TIMM17A: variants seen among roughly 807,000 people sequenced by gnomAD.
TIMM17A encodes the protein mitochondrial import inner membrane translocase subunit Tim17-A.
In TIMM17A, 15 loss-of-function variants were observed where a neutral mutation model predicts 26.5. The observed-to-expected ratio is 0.57, with a 90% CI of 0.38 to 0.87. The LOEUF (loss-of-function observed/expected upper bound fraction) is 0.87, where lower values mean the gene tolerates loss of function less well. Among genes scored for constraint, TIMM17A ranks in the 40% least tolerant of loss-of-function variants. TIMM17A has a pLI of 0.00. For synonymous variants in TIMM17A, 80 were observed against 70.8 expected, an observed-to-expected ratio of 1.13 and a Z score of -0.66; for missense variants, 201 against 210.0, an observed-to-expected ratio of 0.96 and a Z score of 0.27.
In TIMM17A at chr1:201,960,399, CA is replaced by C. The variant is rs113195075; in HGVS notation, c.190+2837del. On this transcript the variant is annotated intron_variant, in intron 3 of 5. Coordinates refer to ENST00000367287, the MANE Select transcript of TIMM17A (RefSeq NM_006335.3). ...TGGGCAACAGAGCAAGACTCTGTCT[CA>C]AAAAAAAAAAATAGTAATGTGTCAA... is the stretch of plus-strand genomic sequence containing the variant. Among the ~76,000 whole-genome samples the C allele has an allele frequency of 2.9e-3, 406 of 138,358 alleles. 1 individual carries two copies. The highest frequency in any genetic ancestry group is 8.2e-3 in the African/African-American group (311 of 37,920). 90.8% of individuals were successfully genotyped at this position (138,358 alleles called of 152,430 possible). A position where few individuals can be genotyped will look rare whatever the true frequency, so the allele number is the denominator to read the frequency against.
chr1:201,957,447 C>G, intron 2 of TIMM17A, 64 bp from the exon 3 acceptor site: 2 of 1,571,602 alleles, frequency 1.3e-6, no homozygotes, highest in South Asian at 2.2e-5. Flanking sequence ...TACTGGTGGT[C>G]CCATCAGTGG....
chr1:201,959,304 C>T (rs906103401), intron 3 of TIMM17A, among the ~76,000 whole-genome samples: 4 of 151,352 alleles, frequency 2.6e-5, no homozygotes, highest in African/African-American at 7.3e-5. Flanking sequence ...TGCAGTGAGC[C>T]GAGATTGCAC....
At chr1:201,956,683 C>T (rs1246628436) in intron 1 of TIMM17A, among the ~76,000 whole-genome samples, 9 of 152,054 alleles carry the variant, frequency 5.9e-5, no homozygotes, top group East Asian at 1.9e-4. Context: ...AAAATAAGGC[C>T]GGGTGTGGTG....
chr1:201,965,521 TGC>T lies in TIMM17A; in HGVS notation c.409_410del (p.Ala137LeufsTer40). On this transcript the variant is annotated frameshift_variant, in exon 5 of 6. Coordinates refer to ENST00000367287, the MANE Select transcript of TIMM17A (RefSeq NM_006335.3). LOFTEE classifies it high-confidence loss of function. ...GAGCTGGTATCTTGTTGACAAGATT[TGC>T]CTCTGCACAGTTTCCCAATGGTGAG... ...EGAGILLTRF[A>X]SAQFPNGPQF... is the part of the protein sequence containing the mutation. The T allele has an allele frequency of 6.2e-7, 1 of 1,613,052 alleles. No individual in the cohort carries two copies. Among genetic ancestry groups the T allele is most frequent in the South Asian group, 1.1e-5 (1 of 91,064 alleles).
chr1:201,960,004 A>AAATC (rs1682494643), intron 3 of TIMM17A, among the ~76,000 whole-genome samples: 1 of 151,532 alleles, frequency 6.6e-6, no homozygotes, highest in African/African-American at 2.4e-5. Context: ...GTCTCAAAAT[A>AAATC]AATAAATAAA....
chr1:201,955,883 C>A (rs1036984903), intron 1 of TIMM17A, among the ~76,000 whole-genome samples: 1 of 152,214 alleles, frequency 6.6e-6, no homozygotes, highest in Non-Finnish European at 1.5e-5. Context: ...GTTATAATCC[C>A]CCCTGTTCGT....
At chr1:201,963,449 G>C (rs1225270320) in intron 3 of TIMM17A, 167 bp from the exon 4 acceptor site, 5 of 664,738 alleles carry the variant, frequency 7.5e-6, no homozygotes, top group Middle Eastern at 4.3e-4. Flanking sequence ...TTATTCGAAA[G>C]ATAAGTATTC....
intron 1 of TIMM17A, 70 bp downstream of exon 1, chr1:201,955,622 G>T: frequency 1.2e-6 from 2 of 1,604,312 alleles, no homozygotes; most frequent in Non-Finnish European, 1.7e-6. Flanking sequence ...CCTTGTCCAG[G>T]CTCCCAAGGT....
At chr1:201,967,517 T>TTTTATTTATTTATTTTATTTA (rs1553301608) in intron 5 of TIMM17A, among the ~76,000 whole-genome samples, 2 of 142,836 alleles carry the variant, frequency 1.4e-5, no homozygotes, top group African/African-American at 2.6e-5. Flanking sequence ...GGAATCTCCT[T>TTTTATTTATTTATTTTATTTA]TTTATTTATT....
chr1:201,957,599 G>C (rs745733136), intron 3 of TIMM17A, 25 bp downstream of exon 3: 3 of 1,582,346 alleles, frequency 1.9e-6, no homozygotes, highest in African/African-American at 2.7e-5. Flanking sequence ...CATTTTAACT[G>C]AACTATTTTT....
chr1:201,959,893 T>C (rs1571603925), intron 3 of TIMM17A, among the ~76,000 whole-genome samples: 1 of 150,878 alleles, frequency 6.6e-6, no homozygotes, highest in African/African-American at 2.4e-5. Flanking sequence ...CCCGGCTCCT[T>C]GGGAGGCTGA....
intron 3 of TIMM17A, among the ~76,000 whole-genome samples, chr1:201,960,693 A>T (rs1682507465): frequency 6.6e-6 from 1 of 152,170 alleles, no homozygotes; most frequent in South Asian, 2.1e-4. Flanking sequence ...AGGTATTCAG[A>T]TCAAGGTGCA....
intron 3 of TIMM17A, 89 bp from the exon 4 acceptor site, chr1:201,963,527 C>A: frequency 1.5e-6 from 2 of 1,374,162 alleles, no homozygotes; most frequent in African/African-American, 1.5e-5. Context: ...AATTTTGAGA[C>A]TATAGTGAGT....
At chr1:201,966,078 T>C (rs1033373141) in intron 5 of TIMM17A, among the ~76,000 whole-genome samples, 1 of 152,204 alleles carries the variant, frequency 6.6e-6, no homozygotes, top group African/African-American at 2.4e-5. Flanking sequence ...AGTAGAAGTA[T>C]CTTAGAAAAT....
At chr1:201,968,950 A>C (rs1682685741) in intron 5 of TIMM17A, among the ~76,000 whole-genome samples, 1 of 151,826 alleles carries the variant, frequency 6.6e-6, no homozygotes, top group African/African-American at 2.4e-5. Flanking sequence ...GAAAATGAAA[A>C]CTGCAAGACT....
At chr1:201,959,542 T>C (rs1265236800) in intron 3 of TIMM17A, among the ~76,000 whole-genome samples, 1 of 151,518 alleles carries the variant, frequency 6.6e-6, no homozygotes, top group South Asian at 2.1e-4. Context: ...TAATCCCAGC[T>C]ACTCAGGAGG....
chr1:201,967,329 TA>T (rs1682651795), intron 5 of TIMM17A, among the ~76,000 whole-genome samples: 2 of 151,996 alleles, frequency 1.3e-5, no homozygotes, highest in Non-Finnish European at 2.9e-5. Context: ...TAACACTCTG[TA>T]GTGATGGTCA....
intron 5 of TIMM17A, among the ~76,000 whole-genome samples, chr1:201,968,653 C>G (rs1246012828): frequency 1.3e-5 from 2 of 151,992 alleles, no homozygotes; most frequent in Admixed American, 1.3e-4. Context: ...AGATTACAGG[C>G]GAGAGCCACC....
chr1:201,960,909 C>T lies in TIMM17A; in HGVS notation c.191-2707C>T, dbSNP rs528836892. Among the ~76,000 whole-genome samples, 4 of 151,714 alleles carry T rather than the reference C, an allele frequency of 2.6e-5. No homozygotes were observed. The South Asian group carries it at 8.3e-4, about 32-fold the overall frequency. ...GATTATAGGCATGCGCCACCACAGC[C>T]GGGATAATTTTTGTATTTTTAGTAA... is the stretch of plus-strand genomic sequence containing the variant. On this transcript the variant is annotated intron_variant, in intron 3 of 5. Coordinates refer to ENST00000367287, the MANE Select transcript of TIMM17A (RefSeq NM_006335.3).
Sources: gnomAD v4.1 joint callset for allele counts (sites outside exome capture counted in the v4.1 genomes callset) on GRCh38, gnomAD v4.1.1 for gene constraint, MANE v1.5 for transcripts, NCBI Gene and HGNC (gene_info 2026-07-23, HGNC 2026-07-21) for gene names.